Variants in SCHIP1 observed in about 807,000 individuals in gnomAD.
The protein encoded by SCHIP1 is schwannomin-interacting protein 1.
SCHIP1 carries 8 observed loss-of-function variants against 29.7 expected under a neutral mutation model. That is an observed-to-expected ratio of 0.27 (90% confidence interval 0.16 to 0.49). The LOEUF (loss-of-function observed/expected upper bound fraction) is 0.49, where lower values mean the gene tolerates loss of function less well. Among genes scored for constraint, SCHIP1 ranks in the 20% least tolerant of loss-of-function variants. The probability of loss-of-function intolerance (pLI) is 0.99; values close to 1 mark genes in which losing one functional copy is unlikely to be tolerated. For missense variants in SCHIP1, 193 were observed against 294.6 expected (o/e 0.66, Z 2.52); for synonymous variants, 76 against 94.9 (o/e 0.80, Z 1.16).
chr3:159,313,577 G>A, the SCHIP1 span, among the ~76,000 whole-genome samples: 1 of 152,188 alleles, frequency 6.6e-6, no homozygotes, highest in Admixed American at 6.5e-5. Flanking sequence ...CTAGTACAGA[G>A]AGTTTCTGTA....
the SCHIP1 span, among the ~76,000 whole-genome samples, chr3:159,589,205 G>A: frequency 7.2e-5 from 11 of 152,110 alleles, no homozygotes; most frequent in Non-Finnish European, 1.5e-4. Flanking sequence ...GGATTCCTAG[G>A]TATTTTATTC....
At chr3:159,583,730 A>G in the SCHIP1 span, among the ~76,000 whole-genome samples, 1 of 152,134 alleles carries the variant, frequency 6.6e-6, no homozygotes, top group Non-Finnish European at 1.5e-5. Context: ...GAGTCAATGA[A>G]TCTTTTGGCT....
At chr3:159,781,972 T>C in the SCHIP1 span, among the ~76,000 whole-genome samples, 3 of 152,228 alleles carry the variant, frequency 2.0e-5, no homozygotes, top group Non-Finnish European at 4.4e-5. Flanking sequence ...AATTTATATG[T>C]AGAATAGGAC....
At chr3:159,359,412 G>C in the SCHIP1 span, among the ~76,000 whole-genome samples, 1 of 152,098 alleles carries the variant, frequency 6.6e-6, no homozygotes, top group Non-Finnish European at 1.5e-5. Context: ...CCTTGAGAAA[G>C]TTTCTTAACC....
the SCHIP1 span, among the ~76,000 whole-genome samples, chr3:159,694,537 C>CAAGA: frequency 0.028 from 3,315 of 119,364 alleles, 92 homozygotes; most frequent in Middle Eastern, 0.047. Context: ...AAAGAAAAGA[C>CAAGA]AAGAAAGAAA....
chr3:159,634,905 C>G, the SCHIP1 span, among the ~76,000 whole-genome samples: 14 of 152,238 alleles, frequency 9.2e-5, no homozygotes, highest in African/African-American at 3.4e-4. Context: ...ACAACACAAG[C>G]TGAAAATCAT....
chr3:159,756,815 A>C, the SCHIP1 span, among the ~76,000 whole-genome samples: 2 of 152,200 alleles, frequency 1.3e-5, no homozygotes, highest in Admixed American at 6.5e-5. Flanking sequence ...TCAAGTTCAA[A>C]GTTCCACAGA....
the SCHIP1 span, among the ~76,000 whole-genome samples, chr3:159,816,545 G>C: frequency 1.3e-5 from 2 of 152,168 alleles, no homozygotes; most frequent in Non-Finnish European, 1.5e-5. Context: ...AAAGTGCTGG[G>C]ATTACAGAGG....
At chr3:159,782,677 A>G in the SCHIP1 span, among the ~76,000 whole-genome samples, 1 of 152,240 alleles carries the variant, frequency 6.6e-6, no homozygotes, top group Non-Finnish European at 1.5e-5. Context: ...CATTCTATAT[A>G]TTGGCTGGAA....
At chr3:159,852,190 C>CTT (rs1712738247) in intron 1 of SCHIP1, among the ~76,000 whole-genome samples, 1 of 152,160 alleles carries the variant, frequency 6.6e-6, no homozygotes, top group Admixed American at 6.5e-5. Context: ...AGCCTTTTTG[C>CTT]TTTTAGAACT....
chr3:159,645,937 G>A, the SCHIP1 span, among the ~76,000 whole-genome samples: 2 of 152,126 alleles, frequency 1.3e-5, no homozygotes, highest in East Asian at 3.8e-4. Flanking sequence ...TAAAGATTCT[G>A]TGGAATATAA....
the SCHIP1 span, among the ~76,000 whole-genome samples, chr3:159,574,875 G>C: frequency 6.6e-6 from 1 of 152,286 alleles, no homozygotes; most frequent in African/African-American, 2.4e-5. Flanking sequence ...GACTTGCTCA[G>C]TGAACAAGGC....
the SCHIP1 span, among the ~76,000 whole-genome samples, chr3:159,802,867 G>A: frequency 6.6e-6 from 1 of 152,212 alleles, no homozygotes; most frequent in Non-Finnish European, 1.5e-5. Flanking sequence ...GCAGGTTCAA[G>A]ATGACTGAAG....
At chr3:159,733,983 G>A in the SCHIP1 span, among the ~76,000 whole-genome samples, 1 of 152,186 alleles carries the variant, frequency 6.6e-6, no homozygotes, top group South Asian at 2.1e-4. Flanking sequence ...GAGTGCATGG[G>A]TATAGTTTTG....
chr3:159,703,088 A>G, the SCHIP1 span, among the ~76,000 whole-genome samples: 1 of 152,184 alleles, frequency 6.6e-6, no homozygotes, highest in Non-Finnish European at 1.5e-5. Context: ...TGGGATCTTG[A>G]GCTGAATTCA....
the SCHIP1 span, among the ~76,000 whole-genome samples, chr3:159,429,094 C>G: frequency 4.0e-5 from 6 of 151,304 alleles, no homozygotes; most frequent in Admixed American, 4.0e-4. Context: ...ATACCTAATG[C>G]TAGATGACGA....
At chr3:159,773,390 G>A in the SCHIP1 span, among the ~76,000 whole-genome samples, 1 of 152,202 alleles carries the variant, frequency 6.6e-6, no homozygotes, top group Non-Finnish European at 1.5e-5. Flanking sequence ...TAAGGTCTGT[G>A]AAGATTACAC....
chr3:159,573,750 C>A, the SCHIP1 span, among the ~76,000 whole-genome samples: 2 of 152,166 alleles, frequency 1.3e-5, no homozygotes, highest in African/African-American at 2.4e-5. Context: ...ATAAACCAAT[C>A]AAATGTAGAT....
the SCHIP1 span, among the ~76,000 whole-genome samples, chr3:159,434,547 T>A: frequency 6.6e-6 from 1 of 152,122 alleles, no homozygotes; most frequent in Non-Finnish European, 1.5e-5. Flanking sequence ...AGCAAGATGG[T>A]TACCAAAGCT....
Sources: allele counts gnomAD v4.1 joint callset (sites outside exome capture counted in the v4.1 genomes callset), GRCh38; gene constraint gnomAD v4.1.1; transcripts MANE v1.5; gene names NCBI Gene and HGNC (gene_info 2026-07-23, HGNC 2026-07-21).